RAB3IL1: variants seen among roughly 807,000 people sequenced by gnomAD.
RAB3IL1 encodes guanine nucleotide exchange factor for Rab-3A.
In RAB3IL1, 37 loss-of-function variants were observed where a neutral mutation model predicts 49.2. The ratio of observed to expected loss-of-function variants is 0.75; its 90% CI spans 0.58 to 0.99. RAB3IL1 has a LOEUF of 0.99. Ranked by LOEUF, RAB3IL1 falls within the 50% of genes least tolerant of loss-of-function variation. RAB3IL1 has a pLI of 0.00. For synonymous variants in RAB3IL1, 193 were observed against 213.9 expected (o/e 0.90, Z 0.85); for missense variants, 484 against 513.0 (o/e 0.94, Z 0.55).
chr11:61,922,614 GC>G (rs1202625794), upstream of RAB3IL1, among the ~76,000 whole-genome samples: 3 of 151,910 alleles, frequency 2.0e-5, no homozygotes, highest in Non-Finnish European at 4.4e-5. Flanking sequence ...AGTGTTTCCT[GC>G]CCCGTCCTCC....
chr11:61,939,194 C>A, the RAB3IL1 span, among the ~76,000 whole-genome samples: 27 of 151,862 alleles, frequency 1.8e-4, no homozygotes, highest in Non-Finnish European at 3.5e-4. Context: ...ATCTTTCCAA[C>A]CACAAAGGAA....
chr11:61,936,823 A>G, the RAB3IL1 span, among the ~76,000 whole-genome samples: 1 of 152,224 alleles, frequency 6.6e-6, no homozygotes, highest in Non-Finnish European at 1.5e-5. Context: ...CTATCTATAT[A>G]TAACTAAGAT....
At chr11:61,938,423 G>T in the RAB3IL1 span, among the ~76,000 whole-genome samples, 1 of 152,094 alleles carries the variant, frequency 6.6e-6, no homozygotes, top group African/African-American at 2.4e-5. Flanking sequence ...CTAACAAAAA[G>T]AGGGCTGGAG....
At chr11:61,907,791 G>T in intron 2 of RAB3IL1, 131 bp from the exon 3 acceptor site, 1 of 936,930 alleles carries the variant, frequency 1.1e-6, no homozygotes, top group Non-Finnish European at 1.6e-6. Context: ...TTCCTCTGGT[G>T]CCTGACAGTT....
At chr11:61,940,310 G>A in the RAB3IL1 span, among the ~76,000 whole-genome samples, 31 of 151,222 alleles carry the variant, frequency 2.0e-4, no homozygotes, top group African/African-American at 5.8e-4. Context: ...GCATAGTGGC[G>A]CATGCCTGTA....
intron 1 of RAB3IL1, among the ~76,000 whole-genome samples, chr11:61,908,717 A>G (rs77152104): frequency 0.015 from 2,216 of 152,294 alleles, 59 homozygotes; most frequent in African/African-American, 0.05. Flanking sequence ...GTGTGGGTAA[A>G]ACCTTGACAC....
the RAB3IL1 span, among the ~76,000 whole-genome samples, chr11:61,944,286 C>T: frequency 6.7e-6 from 1 of 150,366 alleles, no homozygotes; most frequent in East Asian, 2.0e-4. Flanking sequence ...TTTGTTGAGA[C>T]AGGGTCTTGC....
upstream of RAB3IL1, among the ~76,000 whole-genome samples, chr11:61,924,333 C>T (rs973936791): frequency 1.3e-5 from 2 of 152,160 alleles, no homozygotes; most frequent in African/African-American, 4.8e-5. Flanking sequence ...TGCTTCTTCC[C>T]CAAAAGATGC....
chr11:61,906,590 A>C lies in RAB3IL1; in HGVS notation c.533T>G (p.Leu178Arg). 1 of 1,609,446 alleles carries C rather than the reference A, an allele frequency of 6.2e-7. No individual in the cohort carries two copies. Among genetic ancestry groups the C allele is most frequent in the Non-Finnish European group, 8.5e-7 (1 of 1,178,260 alleles). ...TCGGGGCCCGGCCTTGGTGGGGCTC[A>C]GCAGCTGGGGGTGAAGCTCGCGGTT... is the stretch of plus-strand genomic sequence containing the variant. ...SPNRELHPQL[L>R]SPTKAGPRKG... The change falls in exon 5 of 10, where the codon CTG (leucine) becomes CGG (arginine). Residue 178 changes from leucine to arginine, a missense_variant. Transcript: ENST00000394836. The surrounding 1 kb of genome is among the most constrained non-coding windows in gnomAD (Gnocchi z 4.6).
intron 1 of RAB3IL1, among the ~76,000 whole-genome samples, chr11:61,910,894 G>T (rs997767481): frequency 1.3e-5 from 2 of 152,384 alleles, no homozygotes; most frequent in Admixed American, 1.3e-4. Context: ...TGACAGCACA[G>T]GACAGGACAG....
the RAB3IL1 span, among the ~76,000 whole-genome samples, chr11:61,931,470 A>G: frequency 6.6e-6 from 1 of 152,226 alleles, no homozygotes; most frequent in Admixed American, 6.5e-5. Context: ...GCTCAAAGTC[A>G]ACATGCTTGC....
At chr11:61,920,967 TTTTC>T (rs1167036225), upstream of RAB3IL1, among the ~76,000 whole-genome samples, 4 of 152,158 alleles carry the variant, frequency 2.6e-5, no homozygotes, top group African/African-American at 7.2e-5. Flanking sequence ...TTTTTATTTT[TTTTC>T]TTTATTTTTA....
chr11:61,911,595 C>A (rs772785763), intron 1 of RAB3IL1, among the ~76,000 whole-genome samples: 9 of 152,212 alleles, frequency 5.9e-5, no homozygotes, highest in Non-Finnish European at 1.3e-4. Flanking sequence ...GCCCAGCGTC[C>A]CTACCCTCCT....
At position 61,898,916 on chromosome 11, in the gene RAB3IL1, G is replaced by A; in HGVS notation, c.1066+398C>T. On this transcript the variant is annotated intron_variant, in intron 9 of 9. Coordinates refer to ENST00000394836, the MANE Select transcript of RAB3IL1 (RefSeq NM_013401.4). This position sits in a 1 kb window ranked among gnomAD's most constrained non-coding sequence, Gnocchi z 5.1. ...AGGTTGGTGGAGGAGCGGGGAGCCA[G>A]GCCTTGCAGAATGGGCTGTGGGGGG... 1 of 482,140 alleles carries A rather than the reference G, an allele frequency of 2.1e-6. No homozygotes were observed. Among genetic ancestry groups the A allele is most frequent in the South Asian group, 1.5e-5 (1 of 64,780 alleles). The allele number at this position is 482,140 out of a possible 1,614,324, so 29.9% of individuals were successfully genotyped here.
In RAB3IL1 at chr11:61,917,521, G is replaced by A. The variant is rs962555178; in HGVS notation, c.-154C>T. 8 of 1,120,710 alleles carry A rather than the reference G, an allele frequency of 7.1e-6. No homozygotes were observed. The highest frequency in any genetic ancestry group is 7.6e-6 in the Non-Finnish European group (7 of 918,228). 69.4% of individuals were successfully genotyped at this position (1,120,710 alleles called of 1,614,324 possible). A position where few individuals can be genotyped will look rare whatever the true frequency, so the allele number is the denominator to read the frequency against. The stretch of plus-strand genomic sequence containing the variant: ...CGGTCAGTAGGTCTCAGACGCCTGG[G>A]CTCGCGGCCCCCAGCCCAGCCCCGA... On this transcript the variant is annotated 5_prime_UTR_variant, in exon 1 of 10. Transcript: ENST00000394836.
chr11:61,917,549 C>T lies in RAB3IL1; in HGVS notation c.-182G>A. On this transcript the variant is annotated 5_prime_UTR_variant, in exon 1 of 10. Transcript: ENST00000394836. ...CGCGGCCCCCAGCCCAGCCCCGACC[C>T]TGCCCTGGGCGGGTCACGTGGCGGA... The T allele has an allele frequency of 9.1e-7, 1 of 1,103,678 alleles. No individual in the cohort carries two copies. The highest frequency in any genetic ancestry group is 1.1e-6 in the Non-Finnish European group (1 of 907,758). 68.4% of individuals were successfully genotyped at this position (1,103,678 alleles called of 1,614,324 possible). A position where few individuals can be genotyped will look rare whatever the true frequency, so the allele number is the denominator to read the frequency against.
chr11:61,899,613 G>C lies in RAB3IL1; in HGVS notation c.1000-233C>G, dbSNP rs539100234. On this transcript the variant is annotated intron_variant, in intron 8 of 9. Coordinates refer to ENST00000394836, the MANE Select transcript of RAB3IL1 (RefSeq NM_013401.4). The stretch of plus-strand genomic sequence containing the variant: ...TCATCAAGCGCCTGCAGCGAACGGA[G>C]CAGACGCGCTTATTATTCCATCTTA... 1.7e-3 allele frequency: 889 copies of C among 528,920 alleles called. 5 individuals are homozygous for C. Among genetic ancestry groups the C allele is most frequent in the African/African-American group, 0.015 (786 of 52,654 alleles). The allele number at this position is 528,920 out of a possible 1,614,324, so 32.8% of individuals were successfully genotyped here. A position where few individuals can be genotyped will look rare whatever the true frequency, so the allele number is the denominator to read the frequency against.
the RAB3IL1 span, among the ~76,000 whole-genome samples, chr11:61,946,175 G>A: frequency 1.3e-5 from 2 of 152,134 alleles, no homozygotes; most frequent in African/African-American, 4.8e-5. Flanking sequence ...TGGCCCAAGA[G>A]AGGGGTGTGG....
At chr11:61,940,184 G>A in the RAB3IL1 span, among the ~76,000 whole-genome samples, 1 of 152,166 alleles carries the variant, frequency 6.6e-6, no homozygotes, top group Non-Finnish European at 1.5e-5. Context: ...GCTCACGCCT[G>A]TAATCCCAGC....
Sources: allele counts gnomAD v4.1 joint callset (sites outside exome capture counted in the v4.1 genomes callset), GRCh38; gene constraint gnomAD v4.1.1; non-coding constraint Gnocchi (gnomAD v3.1); transcripts MANE v1.5; gene names NCBI Gene and HGNC (gene_info 2026-07-23, HGNC 2026-07-21).